Variants in DLG2 observed in about 807,000 individuals in gnomAD.
DLG2 encodes disks large homolog 2.
DLG2 carries 45 observed loss-of-function variants against 132.5 expected under a neutral mutation model. The ratio of observed to expected loss-of-function variants is 0.34; its 90% CI spans 0.27 to 0.44. The LOEUF is 0.44. DLG2 is among the 20% of genes least tolerant of loss of function. The pLI is 1.00. For missense variants in DLG2, 1,045 were observed against 1,196.9 expected (o/e 0.87, Z 1.87); for synonymous variants, 424 against 419.6 (o/e 1.01, Z -0.13).
chr11:85,574,184 A>G (rs1033182251), intron 3 of DLG2, among the ~76,000 whole-genome samples: 7 of 152,088 alleles, frequency 4.6e-5, no homozygotes, highest in African/African-American at 1.7e-4. Flanking sequence ...AAAATTTTTC[A>G]TATTATTGCG....
At chr11:85,030,481 CA>C (rs1348487924) in intron 6 of DLG2, among the ~76,000 whole-genome samples, 1 of 152,146 alleles carries the variant, frequency 6.6e-6, no homozygotes, top group African/African-American at 2.4e-5. Flanking sequence ...TTAGAATCTT[CA>C]AAACAGTAAG....
At chr11:85,557,159 T>C (rs1197773484) in intron 3 of DLG2, among the ~76,000 whole-genome samples, 1 of 151,420 alleles carries the variant, frequency 6.6e-6, no homozygotes, top group African/African-American at 2.4e-5. Flanking sequence ...GTAATAATAA[T>C]AACCAAACTG....
At position 83,458,835 on chromosome 11, in the gene DLG2, G is replaced by T. The variant is rs1376516662; in HGVS notation, c.*983C>A. The T allele has an allele frequency of 6.6e-6, 1 of 152,116 alleles. No homozygotes were observed. Among genetic ancestry groups the T allele is most frequent in the Non-Finnish European group, 1.5e-5 (1 of 68,014 alleles). The allele number at this position is 152,116 out of a possible 1,614,324, so 9.4% of individuals were successfully genotyped here. On this transcript the variant is annotated 3_prime_UTR_variant, in exon 28 of 28. Transcript: ENST00000376104. ...AAATGTCTTCCAAAAATATCCATGA[G>T]GGCAACTCATTAAGGGATGTGCTGC...
intron 8 of DLG2, among the ~76,000 whole-genome samples, chr11:84,198,977 G>C (rs2096558629): frequency 6.6e-6 from 1 of 152,116 alleles, no homozygotes; most frequent in Non-Finnish European, 1.5e-5. Flanking sequence ...ATGGTCAACA[G>C]AGCTATGGAT....
In DLG2 at chr11:83,540,004, C is replaced by A. The variant is rs1461243276; in HGVS notation, c.2117+1678G>T. ...CAACCCCTGTATCCAAAATTTGAATCCCTTTTCTATCTTCCCAGATAGTCC... is the reference window on the plus strand; with the variant it reads ...CAACCCCTGTATCCAAAATTTGAATACCTTTTCTATCTTCCCAGATAGTCC... On this transcript the variant is annotated intron_variant, in intron 20 of 27. Transcript: ENST00000376104. Among the ~76,000 whole-genome samples, 5 of 152,118 alleles carry A rather than the reference C, an allele frequency of 3.3e-5. No homozygotes were observed. The East Asian group carries it at 9.6e-4, about 29-fold the overall frequency.
chr11:85,402,604 C>G (rs879477636), intron 3 of DLG2, among the ~76,000 whole-genome samples: 215 of 151,890 alleles, frequency 1.4e-3, no homozygotes, highest in Non-Finnish European at 2.7e-3. Flanking sequence ...TGACAAAGGG[C>G]TAATATCCAG....
chr11:84,518,391 TAGAC>T (rs1236739655), intron 7 of DLG2, among the ~76,000 whole-genome samples: 1 of 152,072 alleles, frequency 6.6e-6, no homozygotes, highest in Non-Finnish European at 1.5e-5. Flanking sequence ...TGAGTGTTCA[TAGAC>T]AGTTAATATA....
intron 21 of DLG2, among the ~76,000 whole-genome samples, chr11:83,514,847 T>C (rs573409103): frequency 1.3e-3 from 196 of 152,374 alleles, no homozygotes; most frequent in Non-Finnish European, 1.8e-3. Flanking sequence ...GATTTGCGTA[T>C]GTTGAACCAA....
At chr11:83,882,714 A>G (rs1276297862) in intron 15 of DLG2, among the ~76,000 whole-genome samples, 1 of 152,226 alleles carries the variant, frequency 6.6e-6, no homozygotes, top group African/African-American at 2.4e-5. Context: ...TAAATAAATG[A>G]AATGTTTAAA....
In DLG2 at chr11:83,778,254, T is replaced by C. The variant is rs188972447; in HGVS notation, c.1825+8436A>G. On this transcript the variant is annotated intron_variant, in intron 18 of 27. Transcript: ENST00000376104. ...TATCTAGTGAAGATCTGTGTTCATT[T>C]TGTAATACTTGTAGAGTCAAGAGTA... 2.5e-3 allele frequency among the ~76,000 whole-genome samples: 384 copies of C among 152,270 alleles called. 3 individuals carry two copies. The highest frequency in any genetic ancestry group is 9.5e-3 in the South Asian group (46 of 4,820).
At chr11:84,851,968 T>C (rs1454438017) in intron 6 of DLG2, among the ~76,000 whole-genome samples, 1 of 151,976 alleles carries the variant, frequency 6.6e-6, no homozygotes, top group Non-Finnish European at 1.5e-5. Flanking sequence ...AATGAACATG[T>C]CAAAAATCAT....
At chr11:85,602,399 T>C (rs987908790) in intron 2 of DLG2, among the ~76,000 whole-genome samples, 3 of 152,146 alleles carry the variant, frequency 2.0e-5, no homozygotes, top group African/African-American at 7.2e-5. Context: ...TTTTTTTCTT[T>C]TTTCTTTCTG....
intron 17 of DLG2, among the ~76,000 whole-genome samples, chr11:83,806,492 T>G (rs980223754): frequency 6.6e-6 from 1 of 152,194 alleles, no homozygotes; most frequent in Non-Finnish European, 1.5e-5. Context: ...ACATTCATGT[T>G]TACCTCCATA....
intron 6 of DLG2, among the ~76,000 whole-genome samples, chr11:84,870,123 A>C (rs186711456): frequency 7.2e-5 from 11 of 152,366 alleles, no homozygotes; most frequent in African/African-American, 2.2e-4. Flanking sequence ...TTGTACATGC[A>C]AAGTATGGAG....
Position 85,308,750 on chromosome 11 carries a change from T to C in DLG2, c.41-23385A>G, listed in dbSNP as rs572590974. ...CACGACTCTAACTAATATGCAAAAT[T>C]ATTTAACTTTACTATATAAGCTTTA... On this transcript the variant is annotated intron_variant, in intron 3 of 27. Coordinates refer to ENST00000376104, the MANE Select transcript of DLG2 (RefSeq NM_001142699.3). Among the ~76,000 whole-genome samples, 9 of 152,300 alleles carry C rather than the reference T, an allele frequency of 5.9e-5. No individual in the cohort carries two copies. The East Asian group carries it at 1.4e-3, about 23-fold the overall frequency.
chr11:84,592,800 A>G (rs1489655714), intron 6 of DLG2, among the ~76,000 whole-genome samples: 1 of 151,654 alleles, frequency 6.6e-6, no homozygotes, highest in Non-Finnish European at 1.5e-5. Flanking sequence ...AGTGATCATT[A>G]AAAAGTCAGG....
At chr11:83,527,862 G>A (rs2095647134) in intron 21 of DLG2, among the ~76,000 whole-genome samples, 1 of 152,078 alleles carries the variant, frequency 6.6e-6, no homozygotes, top group African/African-American at 2.4e-5. Flanking sequence ...TGATTTTTCA[G>A]TGCAGAACAG....
intron 3 of DLG2, among the ~76,000 whole-genome samples, chr11:85,436,207 G>A (rs931042537): frequency 7.2e-5 from 11 of 151,918 alleles, no homozygotes; most frequent in South Asian, 4.2e-4. Context: ...CATAGACACC[G>A]TAGAAGAAAA....
At chr11:83,812,191 T>C (rs531748559) in intron 17 of DLG2, among the ~76,000 whole-genome samples, 39 of 152,250 alleles carry the variant, frequency 2.6e-4, no homozygotes, top group African/African-American at 8.7e-4. Context: ...TCCTATGAAA[T>C]TCTCCCCAGT....
Sources: gnomAD v4.1 joint callset for allele counts (sites outside exome capture counted in the v4.1 genomes callset) on GRCh38, gnomAD v4.1.1 for gene constraint, MANE v1.5 for transcripts, NCBI Gene and HGNC (gene_info 2026-07-23, HGNC 2026-07-21) for gene names.